SNTG2: variants seen among roughly 807,000 people sequenced by gnomAD.
The protein encoded by SNTG2 is syntrophin gamma 2, also known as gamma-2-syntrophin.
SNTG2 carries 74 observed loss-of-function variants against 70.9 expected under a neutral mutation model. The ratio of observed to expected loss-of-function variants is 1.04; its 90% confidence interval spans 0.86 to 1.27. The LOEUF is 1.27. Among genes scored for constraint, SNTG2 ranks in the 50% most tolerant of loss-of-function variants. The pLI is 0.00. For missense variants in SNTG2, 717 were observed against 690.7 expected, an observed-to-expected ratio of 1.04 and a Z score of -0.43; for synonymous variants, 278 against 273.8, an observed-to-expected ratio of 1.02 and a Z score of -0.15.
At chr2:1,067,111 A>G (rs932654925) in intron 1 of SNTG2, among the ~76,000 whole-genome samples, 2 of 151,950 alleles carry the variant, frequency 1.3e-5, no homozygotes, top group African/African-American at 4.8e-5. Flanking sequence ...GTCTAAAATA[A>G]AACAGCAAGT....
intron 14 of SNTG2, among the ~76,000 whole-genome samples, chr2:1,297,833 C>T (rs1248077173): frequency 6.6e-6 from 1 of 152,236 alleles, no homozygotes; most frequent in East Asian, 1.9e-4. Context: ...GAGACTCCAT[C>T]TCACACTAGA....
chr2:1,241,266 G>A (rs142546111), intron 11 of SNTG2, among the ~76,000 whole-genome samples: 2 of 152,146 alleles, frequency 1.3e-5, no homozygotes, highest in Admixed American at 6.5e-5. Context: ...GTCCTCTCCC[G>A]ACCCTCAGAG....
chr2:1,059,223 C>T (rs1474320044), intron 1 of SNTG2: 1 of 152,194 alleles, frequency 6.6e-6, no homozygotes, highest in African/African-American at 2.4e-5. Context: ...GCACCTTCTG[C>T]CATCTCTTAG....
chr2:1,113,427 C>T (rs1230795475), intron 4 of SNTG2, among the ~76,000 whole-genome samples: 1 of 142,958 alleles, frequency 7.0e-6, no homozygotes, highest in East Asian at 2.2e-4. Context: ...TTTATGAGAA[C>T]CATGTGTACT....
At chr2:1,155,938 A>T (rs1159884764) in intron 6 of SNTG2, among the ~76,000 whole-genome samples, 1 of 152,190 alleles carries the variant, frequency 6.6e-6, no homozygotes, top group African/African-American at 2.4e-5. Context: ...TTCAGAGCTC[A>T]GGAAGCAGAG....
chr2:1,115,868 C>T (rs1180911961), intron 4 of SNTG2, among the ~76,000 whole-genome samples: 1 of 152,198 alleles, frequency 6.6e-6, no homozygotes, highest in African/African-American at 2.4e-5. Context: ...TTTAAAAGAA[C>T]AGGATTTTGG....
chr2:1,259,263 G>A, intron 12 of SNTG2, 107 bp from the exon 13 acceptor site: 1 of 913,284 alleles, frequency 1.1e-6, no homozygotes, highest in Non-Finnish European at 1.7e-6. Context: ...TGGGGCTTAG[G>A]ATTTAATTGA....
rs112250667 is a variant in SNTG2, at chr2:1,162,023, C to G, written c.412-3525C>G. Among the ~76,000 whole-genome samples, 1,210 of 131,100 alleles carry G rather than the reference C, an allele frequency of 9.2e-3. 7 individuals carry two copies. The highest frequency in any genetic ancestry group is 0.02 in the African/African-American group (700 of 34,546). The allele number at this position is 131,100 out of a possible 152,430, so 86.0% of individuals were successfully genotyped here. ...CGGGAGGCGGAGCTTGCAGTGGGCC[C>G]AGATGGCGCCACTGCACTCCAGCCT... On this transcript the variant is annotated intron_variant, in intron 6 of 16. Transcript: ENST00000308624.
At position 1,259,940 on chromosome 2, in the gene SNTG2, C is replaced by G. The variant is rs533840981; in HGVS notation, c.1077+499C>G. ...GCCTGGAGGTGCAGCAGGGCCCTAG[C>G]CCAGGCCCCCGCCCACCTGACTGCA... On this transcript the variant is annotated intron_variant, in intron 13 of 16. Coordinates refer to ENST00000308624, the MANE Select transcript of SNTG2 (RefSeq NM_018968.4). Among the ~76,000 whole-genome samples the G allele has an allele frequency of 5.9e-5, 9 of 152,306 alleles. No individual in the cohort carries two copies. The South Asian group carries it at 1.9e-3, about 32-fold the overall frequency.
chr2:1,052,160 G>T (rs1037499548), intron 1 of SNTG2, among the ~76,000 whole-genome samples: 1 of 151,926 alleles, frequency 6.6e-6, no homozygotes, highest in Non-Finnish European at 1.5e-5. Flanking sequence ...TGAGTTTACT[G>T]GTAGTCATTG....
At chr2:1,125,551 C>T (rs922025388) in intron 4 of SNTG2, among the ~76,000 whole-genome samples, 3 of 152,164 alleles carry the variant, frequency 2.0e-5, no homozygotes, top group African/African-American at 7.2e-5. Flanking sequence ...AACTACCATA[C>T]CTCCAAAACA....
intron 14 of SNTG2, among the ~76,000 whole-genome samples, chr2:1,292,367 G>A (rs11676238): frequency 0.29 from 44,007 of 151,914 alleles, 6,915 homozygotes; most frequent in East Asian, 0.56. Flanking sequence ...GCTGTAGCTC[G>A]GATGTCTAGT....
At chr2:1,022,191 C>T (rs1558317114) in intron 1 of SNTG2, among the ~76,000 whole-genome samples, 2 of 151,968 alleles carry the variant, frequency 1.3e-5, no homozygotes, top group South Asian at 2.1e-4. Flanking sequence ...GGAAATCCTG[C>T]GCTCCTGTGA....
intron 1 of SNTG2, among the ~76,000 whole-genome samples, chr2:955,018 CTTAT>C (rs1443050315): frequency 6.6e-6 from 1 of 152,146 alleles, no homozygotes; most frequent in Non-Finnish European, 1.5e-5. Flanking sequence ...GAGTATGCTT[CTTAT>C]TTAGGGGATA....
chr2:1,278,980 G>A (rs1331814032), intron 14 of SNTG2, among the ~76,000 whole-genome samples: 2 of 86,416 alleles, frequency 2.3e-5, no homozygotes, highest in African/African-American at 7.2e-5. Flanking sequence ...CCCTGTCAGC[G>A]CGCGAATCAC....
intron 4 of SNTG2, among the ~76,000 whole-genome samples, chr2:1,135,902 C>A (rs905882500): frequency 1.3e-5 from 2 of 152,138 alleles, no homozygotes; most frequent in African/African-American, 2.4e-5. Flanking sequence ...ATAAGAACAA[C>A]CTTATCCCTA....
chr2:1,306,973 T>C (rs1373417822), intron 14 of SNTG2, among the ~76,000 whole-genome samples: 2 of 151,440 alleles, frequency 1.3e-5, no homozygotes, highest in African/African-American at 4.9e-5. Context: ...AGCCGGGCAT[T>C]GTGGGTGTGT....
At chr2:984,259 CTTTTTTTTT>C (rs35096466) in intron 1 of SNTG2, among the ~76,000 whole-genome samples, 1 of 140,264 alleles carries the variant, frequency 7.1e-6, no homozygotes, top group African/African-American at 2.6e-5. Flanking sequence ...AGAAACAAAG[CTTTTTTTTT>C]TTTTTTTTAA....
At chr2:1,015,178 C>T (rs569277244) in intron 1 of SNTG2, among the ~76,000 whole-genome samples, 9 of 152,108 alleles carry the variant, frequency 5.9e-5, no homozygotes, top group Middle Eastern at 3.4e-3. Flanking sequence ...CAGGCTTGTC[C>T]GAGGTAGAGA....
Sources: gnomAD v4.1 joint callset for allele counts (sites outside exome capture counted in the v4.1 genomes callset) on GRCh38, gnomAD v4.1.1 for gene constraint, MANE v1.5 for transcripts, NCBI Gene and HGNC (gene_info 2026-07-23, HGNC 2026-07-21) for gene names.